Variants in EPDR1 observed in about 807,000 individuals in gnomAD.
EPDR1 encodes ependymin related 1, also known as mammalian ependymin-related protein 1.
A neutral mutation model predicts 23.7 loss-of-function variants in EPDR1; 27 were observed. The observed-to-expected ratio is 1.14, with a 90% CI of 0.84 to 1.57. The LOEUF (loss-of-function observed/expected upper bound fraction) is 1.57, where lower values mean the gene tolerates loss of function less well. Among genes scored for constraint, EPDR1 ranks in the 40% most tolerant of loss-of-function variants. The pLI is 0.00. For synonymous variants in EPDR1, 137 were observed against 118.2 expected (o/e 1.16, Z -1.03); for missense variants, 349 against 290.4 (o/e 1.20, Z -1.47).
intron 1 of EPDR1, among the ~76,000 whole-genome samples, chr7:37,948,178 A>C (rs1322106090): frequency 2.0e-5 from 3 of 151,856 alleles, no homozygotes; most frequent in Non-Finnish European, 4.4e-5. Flanking sequence ...AATGCACCAC[A>C]CAAGAGTCAA....
intron 1 of EPDR1, among the ~76,000 whole-genome samples, chr7:37,924,067 C>G (rs895260596): frequency 6.6e-6 from 1 of 152,204 alleles, no homozygotes; most frequent in Non-Finnish European, 1.5e-5. Flanking sequence ...TAAGGAAACT[C>G]AAATGCTAAA....
intron 1 of EPDR1, among the ~76,000 whole-genome samples, chr7:37,943,800 T>A (rs1052958922): frequency 6.6e-6 from 1 of 152,178 alleles, no homozygotes; most frequent in Non-Finnish European, 1.5e-5. Context: ...CATTTCATAG[T>A]GATTGTTCCG....
At chr7:37,939,271 G>A (rs1174314690) in intron 1 of EPDR1, among the ~76,000 whole-genome samples, 3 of 152,062 alleles carry the variant, frequency 2.0e-5, no homozygotes, top group African/African-American at 7.2e-5. Context: ...GAGCCACCAT[G>A]CCTGGCCCAA....
intron 1 of EPDR1, among the ~76,000 whole-genome samples, chr7:37,946,041 C>T (rs1786268595): frequency 6.6e-6 from 1 of 152,204 alleles, no homozygotes; most frequent in Non-Finnish European, 1.5e-5. Flanking sequence ...CATGTCCCTG[C>T]AAAGGACATG....
In EPDR1 at chr7:37,950,510, G is replaced by A; in HGVS notation, c.*114G>A. The A allele has an allele frequency of 9.9e-7, 1 of 1,010,948 alleles. No homozygotes were observed. Among genetic ancestry groups the A allele is most frequent in the Non-Finnish European group, 1.4e-6 (1 of 704,674 alleles). 62.6% of individuals were successfully genotyped at this position (1,010,948 alleles called of 1,614,324 possible). A position where few individuals can be genotyped will look rare whatever the true frequency, so the allele number is the denominator to read the frequency against. Reference sequence around the variant, plus strand: ...CTAATTGGAGAGAAATATAATTTTAGGAAGATGCACATTGATGTGGGGTTT... The same window carrying A: ...CTAATTGGAGAGAAATATAATTTTAAGAAGATGCACATTGATGTGGGGTTT... On this transcript the variant is annotated 3_prime_UTR_variant, in exon 3 of 3. Coordinates refer to ENST00000199448, the MANE Select transcript of EPDR1 (RefSeq NM_017549.5).
chr7:37,951,559 G>T lies in EPDR1; in HGVS notation c.*1163G>T, dbSNP rs1786407983. 1 of 152,202 alleles carries T rather than the reference G, an allele frequency of 6.6e-6. No individual in the cohort carries two copies. Among genetic ancestry groups the T allele is most frequent in the Admixed American group, 6.5e-5 (1 of 15,282 alleles). The allele number at this position is 152,202 out of a possible 1,614,324, so 9.4% of individuals were successfully genotyped here. A position where few individuals can be genotyped will look rare whatever the true frequency, so the allele number is the denominator to read the frequency against. ...ATCCCTAGCACAAAGCAAGTGCCTG[G>T]CACATAGTCAGTGCCCTAAGTATTC... On this transcript the variant is annotated 3_prime_UTR_variant, in exon 3 of 3. Transcript: ENST00000199448.
At chr7:37,940,557 A>G (rs1339606872) in intron 1 of EPDR1, among the ~76,000 whole-genome samples, 2 of 152,222 alleles carry the variant, frequency 1.3e-5, no homozygotes, top group Non-Finnish European at 2.9e-5. Flanking sequence ...AGGGAATTAT[A>G]TTCTAAGGAT....
At chr7:37,938,256 C>T (rs528508917) in intron 1 of EPDR1, among the ~76,000 whole-genome samples, 4 of 152,038 alleles carry the variant, frequency 2.6e-5, no homozygotes, top group Non-Finnish European at 5.9e-5. Context: ...TCCCAAAGTG[C>T]TGGGATTACA....
rs754028889 is a variant in EPDR1 at position 37,948,988 on chromosome 7, G to T, written c.418G>T (p.Gly140Trp). Residue 140 changes from glycine (G) to tryptophan (W), a missense_variant, in exon 2 of 3, where the codon GGG becomes TGG. Gly to Trp is a radical substitution (Grantham distance 184). Transcript: ENST00000199448. ...CACCTTTGAAGACCAGTACTCCATC[G>T]GGGGGCCTCAGGAGCAGATCACCGT... ...NSTFEDQYSIGGPQEQITVQE... is the reference protein window; with the variant it reads ...NSTFEDQYSIWGPQEQITVQE... The T allele has an allele frequency of 7.4e-6, 12 of 1,612,860 alleles. No individual in the cohort carries two copies. The highest frequency in any genetic ancestry group is 9.3e-6 in the Non-Finnish European group (11 of 1,179,040).
intron 1 of EPDR1, among the ~76,000 whole-genome samples, chr7:37,944,891 G>T (rs931990968): frequency 6.6e-6 from 1 of 152,142 alleles, no homozygotes; most frequent in African/African-American, 2.4e-5. Context: ...ATTCTCCAGG[G>T]AACAACTATT....
chr7:37,928,871 C>T (rs1036960470), intron 1 of EPDR1, among the ~76,000 whole-genome samples: 2 of 152,136 alleles, frequency 1.3e-5, no homozygotes, highest in Admixed American at 1.3e-4. Context: ...TATTATGTCT[C>T]GGCTGGATGT....
chr7:37,942,948 C>T (rs539637703), intron 1 of EPDR1, among the ~76,000 whole-genome samples: 16 of 152,290 alleles, frequency 1.1e-4, no homozygotes, highest in Admixed American at 5.2e-4. Flanking sequence ...AATCCTTTGT[C>T]CCATATGGTG....
intron 1 of EPDR1, among the ~76,000 whole-genome samples, chr7:37,944,502 C>G (rs1459912779): frequency 6.6e-6 from 1 of 152,138 alleles, no homozygotes; most frequent in East Asian, 1.9e-4. Context: ...AAAGACATAC[C>G]TGAGACTGGG....
At position 37,921,090 on chromosome 7, in the gene EPDR1, C is replaced by G; in HGVS notation, c.151C>G (p.Arg51Gly). The G allele has an allele frequency of 2.5e-6, 4 of 1,583,006 alleles. No individual in the cohort carries two copies. Among genetic ancestry groups the G allele is most frequent in the Non-Finnish European group, 3.4e-6 (4 of 1,171,594 alleles). Residue 51 changes from arginine to glycine, a missense_variant, in exon 1 of 3, where the codon CGC becomes GGC. Coordinates refer to ENST00000199448, the MANE Select transcript of EPDR1 (RefSeq NM_017549.5). ...PCQAPQQWEGRQVMYQQSSGR... is the reference protein window; with the variant it reads ...PCQAPQQWEGGQVMYQQSSGR... ...CCAGGCGCCGCAGCAGTGGGAGGGG[C>G]GCCAGGTTATGTACCAGCAAAGTAG...
At chr7:37,921,403 GGCGGCCT>G (rs1435397201) in intron 1 of EPDR1, 195 bp downstream of exon 1, 6 of 1,390,570 alleles carry the variant, frequency 4.3e-6, no homozygotes, top group Non-Finnish European at 4.6e-6. Context: ...GCCCACCGAG[GGCGGCCT>G]GCTGGCGGGG....
intron 1 of EPDR1, among the ~76,000 whole-genome samples, chr7:37,929,109 C>T (rs1269346193): frequency 6.6e-6 from 1 of 152,176 alleles, no homozygotes; most frequent in Non-Finnish European, 1.5e-5. Flanking sequence ...TTCCCTCTGC[C>T]TAGAAAGACT....
chr7:37,938,651 A>G (rs1027456791), intron 1 of EPDR1, among the ~76,000 whole-genome samples: 1 of 152,200 alleles, frequency 6.6e-6, no homozygotes, highest in Non-Finnish European at 1.5e-5. Context: ...ACCACTTGGT[A>G]GCCATTGCTT....
intron 1 of EPDR1, among the ~76,000 whole-genome samples, chr7:37,929,628 A>C (rs1418063139): frequency 1.3e-5 from 2 of 152,106 alleles, no homozygotes; most frequent in African/African-American, 4.8e-5. Context: ...CAATAAAATG[A>C]TAGATTTATG....
intron 1 of EPDR1, among the ~76,000 whole-genome samples, chr7:37,929,998 G>C (rs1378242191): frequency 6.6e-6 from 1 of 152,160 alleles, no homozygotes; most frequent in African/African-American, 2.4e-5. Context: ...TCCTTAGCAG[G>C]GTGCCTAAGT....
Sources: allele counts gnomAD v4.1 joint callset (sites outside exome capture counted in the v4.1 genomes callset), GRCh38; gene constraint gnomAD v4.1.1; transcripts MANE v1.5; gene names NCBI Gene and HGNC (gene_info 2026-07-23, HGNC 2026-07-21).